The following POLR3B variants were observed in gnomAD, a reference collection of about 807,000 sequenced individuals.
POLR3B encodes the protein RNA polymerase III subunit B.
POLR3B carries 96 observed loss-of-function variants against 147.4 expected under a neutral mutation model. That is an observed-to-expected ratio of 0.65 (90% CI 0.55 to 0.77). The LOEUF (loss-of-function observed/expected upper bound fraction) is 0.77, where lower values mean the gene tolerates loss of function less well. Ranked by LOEUF, POLR3B falls within the 30% of genes least tolerant of loss-of-function variation. The pLI is 0.00. For missense variants in POLR3B, 1,036 were observed against 1,413.5 expected (o/e 0.73, Z 4.28); for synonymous variants, 461 against 485.9 (o/e 0.95, Z 0.67).
chr12:106,364,089 TA>T, intron 2 of POLR3B, among the ~76,000 whole-genome samples, 187 bp downstream of exon 2: 1 of 152,206 alleles, frequency 6.6e-6, no homozygotes, highest in East Asian at 1.9e-4. Flanking sequence ...AGTGGTAGTC[TA>T]ATTTTAGAGA....
At chr12:106,505,190 C>T (rs1323219372) in intron 27 of POLR3B, among the ~76,000 whole-genome samples, 1 of 152,164 alleles carries the variant, frequency 6.6e-6, no homozygotes, top group Non-Finnish European at 1.5e-5. Flanking sequence ...TCCACTCTCA[C>T]CAGAGAAGAA....
chr12:106,381,094 T>C (rs781344377), intron 9 of POLR3B, among the ~76,000 whole-genome samples: 5 of 152,232 alleles, frequency 3.3e-5, no homozygotes, highest in Non-Finnish European at 5.9e-5. Flanking sequence ...CAGTGAGTTA[T>C]AGTCTTTTTA....
intron 18 of POLR3B, among the ~76,000 whole-genome samples, chr12:106,438,106 T>C (rs1463611501): frequency 6.6e-6 from 1 of 152,182 alleles, no homozygotes; most frequent in Admixed American, 6.5e-5. Flanking sequence ...GTGTTCTCAT[T>C]GTTCAGCTTC....
At chr12:106,454,805 TTAAGTTA>T in intron 20 of POLR3B, 94 bp downstream of exon 20, 1 of 751,130 alleles carries the variant, frequency 1.3e-6, no homozygotes, top group Non-Finnish European at 2.4e-6. Flanking sequence ...AATGTCAGTT[TTAAGTTA>T]TTTGAATTTT....
In POLR3B at chr12:106,393,156, G is replaced by A; in HGVS notation, c.846+3G>A. On this transcript the variant is annotated splice_donor_region_variant and intron_variant, in intron 10 of 27. Coordinates refer to ENST00000228347, the MANE Select transcript of POLR3B (RefSeq NM_018082.6). ...CTCAGATTTTCACACAGATGCAGGT[G>A]TGTCTTTTCATGTTGTCCTTTGCTA... 6.2e-7 allele frequency: 1 copy of A among 1,614,126 alleles called. No individual in the cohort carries two copies. The highest frequency in any genetic ancestry group is 8.5e-7 in the Non-Finnish European group (1 of 1,179,988).
intron 19 of POLR3B, among the ~76,000 whole-genome samples, chr12:106,448,802 C>G (rs2037760259): frequency 6.6e-6 from 1 of 151,846 alleles, no homozygotes. Context: ...TTTGTTCTGA[C>G]AAGGAAGCTG....
At chr12:106,435,894 G>GA (rs762395931) in intron 16 of POLR3B, among the ~76,000 whole-genome samples, 1 of 152,086 alleles carries the variant, frequency 6.6e-6, no homozygotes, top group Non-Finnish European at 1.5e-5. Context: ...GATCTAGCAG[G>GA]AAAAAATAGT....
At chr12:106,427,435 T>C in intron 13 of POLR3B, 77 bp downstream of exon 13, 1 of 1,278,198 alleles carries the variant, frequency 7.8e-7, no homozygotes, top group Non-Finnish European at 1.1e-6. Context: ...CTTAAAGCAC[T>C]TTGAGAATCC....
chr12:106,439,154 C>T (rs1411488098), intron 18 of POLR3B, among the ~76,000 whole-genome samples: 4 of 152,094 alleles, frequency 2.6e-5, no homozygotes, highest in Admixed American at 1.3e-4. Flanking sequence ...GCAGGAGAAT[C>T]GCCTGAGGCC....
At chr12:106,392,496 C>T (rs1229622095) in intron 9 of POLR3B, among the ~76,000 whole-genome samples, 1 of 152,114 alleles carries the variant, frequency 6.6e-6, no homozygotes, top group East Asian at 1.9e-4. Flanking sequence ...TCCTTTGAAA[C>T]CTGCATGAAG....
Position 106,427,232 on chromosome 12 carries a change from A to C in POLR3B, c.1137A>C (p.Lys379Asn). ...TTCTTTTTGAAGACTTGTTCAAAAA[A>C]TTTAATTCTGAAATGAAAAAGATTG... ...LSLLFEDLFK[K>N]FNSEMKKIAD... Residue 379 changes from lysine (K) to asparagine (N), a missense_variant, in exon 13 of 28, where the codon AAA becomes AAC. This residue lies in a region of POLR3B where 89 missense variants were observed against 110.9 expected (regional missense o/e 0.80). Transcript: ENST00000228347. 6.2e-7 allele frequency: 1 copy of C among 1,602,984 alleles called. No individual in the cohort carries two copies. Among genetic ancestry groups the C allele is most frequent in the Non-Finnish European group, 8.5e-7 (1 of 1,173,424 alleles).
At chr12:106,388,564 C>T (rs2036873138) in intron 9 of POLR3B, among the ~76,000 whole-genome samples, 1 of 152,186 alleles carries the variant, frequency 6.6e-6, no homozygotes, top group Admixed American at 6.5e-5. Flanking sequence ...GATCTGCCCA[C>T]CTTAGCCTCC....
intron 23 of POLR3B, among the ~76,000 whole-genome samples, chr12:106,475,411 TG>T: frequency 1.0e-5 from 1 of 98,440 alleles, no homozygotes; most frequent in African/African-American, 5.4e-5. Flanking sequence ...GTTCAATTCC[TG>T]GGTATCCTTG....
chr12:106,392,275 G>A (rs901176500), intron 9 of POLR3B, among the ~76,000 whole-genome samples: 22 of 152,232 alleles, frequency 1.4e-4, no homozygotes, highest in Admixed American at 1.3e-3. Context: ...CGATTCTCCT[G>A]CCTCAGCCTC....
intron 6 of POLR3B, among the ~76,000 whole-genome samples, chr12:106,370,467 T>A (rs1324624421): frequency 3.3e-5 from 5 of 152,178 alleles, no homozygotes; most frequent in African/African-American, 1.2e-4. Context: ...TCCAGATTTT[T>A]ATGGAAACAT....
At chr12:106,401,065 T>C (rs961321471) in intron 10 of POLR3B, among the ~76,000 whole-genome samples, 6 of 151,950 alleles carry the variant, frequency 3.9e-5, no homozygotes, top group African/African-American at 1.5e-4. Flanking sequence ...TTAACAAAAT[T>C]GATAGACTGC....
chr12:106,421,147 C>T (rs895203205), intron 12 of POLR3B, among the ~76,000 whole-genome samples: 2 of 151,432 alleles, frequency 1.3e-5, no homozygotes, highest in African/African-American at 4.9e-5. Flanking sequence ...TCCATTGTGT[C>T]AAGATGTGAT....
rs568917673 is a variant in POLR3B, at chr12:106,427,209, C to G, written c.1114C>G (p.Leu372Val). The G allele has an allele frequency of 3.1e-6, 4 of 1,295,926 alleles. No individual in the cohort carries two copies. In the African/African-American group the frequency reaches 7.5e-5, roughly 24 times the overall value. 80.3% of individuals were successfully genotyped at this position (1,295,926 alleles called of 1,614,324 possible). ...TTTTTTTTTTTAGCTTTTATCTCTTCTTTTTGAAGACTTGTTCAAAAAATT... is the reference window on the plus strand; with the variant it reads ...TTTTTTTTTTTAGCTTTTATCTCTTGTTTTTGAAGACTTGTTCAAAAAATT... ...LELAGQLLSL[L>V]FEDLFKKFNS... Residue 372 changes from leucine (L) to valine (V), a missense_variant, in exon 13 of 28, where the codon CTT (leucine) becomes GTT (valine). Coordinates refer to ENST00000228347, the MANE Select transcript of POLR3B (RefSeq NM_018082.6).
chr12:106,408,586 C>A (rs2037179745), intron 11 of POLR3B, among the ~76,000 whole-genome samples: 1 of 152,052 alleles, frequency 6.6e-6, no homozygotes, highest in Non-Finnish European at 1.5e-5. Context: ...TGCCTAAGTC[C>A]CAGACCACTC....
Sources: allele counts gnomAD v4.1 joint callset (sites outside exome capture counted in the v4.1 genomes callset), GRCh38; gene constraint gnomAD v4.1.1; regional missense constraint gnomAD v4.1.1; transcripts MANE v1.5; gene names NCBI Gene and HGNC (gene_info 2026-07-23, HGNC 2026-07-21).